ZFYVE9: variants seen among roughly 807,000 people sequenced by gnomAD.
The protein encoded by ZFYVE9 is zinc finger FYVE-type containing 9, also known as zinc finger FYVE domain-containing protein 9.
Under a neutral mutation model 126.7 loss-of-function variants are expected in ZFYVE9, and 43 were observed. That is an observed-to-expected ratio of 0.34 (90% CI 0.27 to 0.44). ZFYVE9 has a LOEUF of 0.44. ZFYVE9 is among the 20% of genes least tolerant of loss of function. The probability of loss-of-function intolerance (pLI) is 1.00; values close to 1 mark genes in which losing one functional copy is unlikely to be tolerated. For synonymous variants in ZFYVE9, 521 were observed against 597.4 expected (o/e 0.87, Z 1.87); for missense variants, 1,476 against 1,697.0 (o/e 0.87, Z 2.29).
intron 1 of ZFYVE9, among the ~76,000 whole-genome samples, chr1:52,199,645 A>G (rs906165138): frequency 7.9e-5 from 12 of 152,228 alleles, no homozygotes; most frequent in African/African-American, 2.4e-5. Flanking sequence ...ATAAACATCT[A>G]TGTGCAGGTT....
chr1:52,334,693 G>A lies in ZFYVE9; in HGVS notation c.3595G>A (p.Gly1199Ser), dbSNP rs1402660922. The A allele has an allele frequency of 6.2e-7, 1 of 1,613,604 alleles. No homozygotes were observed. The highest frequency in any genetic ancestry group is 8.5e-7 in the Non-Finnish European group (1 of 1,179,830). The change falls in exon 15 of 19, where the codon GGT (glycine) becomes AGT (serine). Residue 1199 changes from glycine to serine, a missense_variant. By Grantham distance (56) the Gly-to-Ser change is moderately conservative (BLOSUM62 0). Coordinates refer to ENST00000287727, the MANE Select transcript of ZFYVE9 (RefSeq NM_004799.4). ...SIHNQPRKVT[G>S]ASFFVFSGAL... The stretch of plus-strand genomic sequence containing the variant: ...TATTTCTATTGCTGTTTTAGTGACT[G>A]GTGCCAGTTTCTTTGTGTTCAGTGG...
At chr1:52,167,358 GAT>G (rs1282740188) in intron 1 of ZFYVE9, among the ~76,000 whole-genome samples, 1 of 152,228 alleles carries the variant, frequency 6.6e-6, no homozygotes, top group African/African-American at 2.4e-5. Context: ...TCAAGCACTT[GAT>G]AGTGTTTCAG....
At chr1:52,194,710 T>A (rs542512082) in intron 1 of ZFYVE9, among the ~76,000 whole-genome samples, 3 of 152,266 alleles carry the variant, frequency 2.0e-5, no homozygotes, top group Non-Finnish European at 4.4e-5. Flanking sequence ...ACTACCTTTC[T>A]CTCAAACTTT....
intron 4 of ZFYVE9, among the ~76,000 whole-genome samples, chr1:52,261,870 A>G (rs1418558734): frequency 2.1e-4 from 32 of 152,226 alleles, no homozygotes; most frequent in Non-Finnish European, 1.5e-5. Flanking sequence ...GCGAGGGAGA[A>G]GGAAAAGTCA....
intron 1 of ZFYVE9, among the ~76,000 whole-genome samples, chr1:52,196,081 C>T (rs986674575): frequency 3.3e-5 from 5 of 152,090 alleles, no homozygotes; most frequent in Admixed American, 3.3e-4. Context: ...CGTGAGCCAC[C>T]GTGCCCGGCC....
At chr1:52,334,630 T>G in intron 14 of ZFYVE9, 58 bp from the exon 15 acceptor site, 2 of 1,547,488 alleles carry the variant, frequency 1.3e-6, no homozygotes, top group Non-Finnish European at 1.8e-6. Flanking sequence ...TTTGTTATTA[T>G]TTTCAATCCC....
chr1:52,262,509 A>G (rs1645589210), intron 4 of ZFYVE9, among the ~76,000 whole-genome samples: 1 of 152,228 alleles, frequency 6.6e-6, no homozygotes, highest in African/African-American at 2.4e-5. Context: ...TCACAGGGAT[A>G]TCTCCCTATA....
At chr1:52,267,177 TAGG>T (rs1645641856) in intron 6 of ZFYVE9, among the ~76,000 whole-genome samples, 1 of 152,216 alleles carries the variant, frequency 6.6e-6, no homozygotes. Context: ...ATGTTCTTTG[TAGG>T]AGTTTAGTAA....
intron 13 of ZFYVE9, among the ~76,000 whole-genome samples, chr1:52,311,855 A>G (rs1434255295): frequency 6.6e-6 from 1 of 151,636 alleles, no homozygotes; most frequent in African/African-American, 2.4e-5. Flanking sequence ...CAATAGTACA[A>G]TCTTGGCTCA....
chr1:52,306,736 C>T (rs1646088848), intron 13 of ZFYVE9, among the ~76,000 whole-genome samples: 1 of 152,250 alleles, frequency 6.6e-6, no homozygotes. Flanking sequence ...CCGAATGTCA[C>T]CACATTCCCT....
intron 4 of ZFYVE9, among the ~76,000 whole-genome samples, chr1:52,257,190 A>G (rs1034105796): frequency 4.6e-5 from 7 of 152,202 alleles, no homozygotes; most frequent in Non-Finnish European, 1.5e-5. Context: ...AGGAAAGGAA[A>G]GGGAAATAAG....
intron 1 of ZFYVE9, among the ~76,000 whole-genome samples, chr1:52,213,895 A>G (rs1347048687): frequency 2.0e-5 from 3 of 152,112 alleles, no homozygotes; most frequent in African/African-American, 4.8e-5. Flanking sequence ...AGAGACTCCA[A>G]GGTTCTCTAA....
At position 52,238,468 on chromosome 1, in the gene ZFYVE9, A is replaced by G; in HGVS notation, c.1051A>G (p.Arg351Gly). 1 of 1,614,150 alleles carries G rather than the reference A, an allele frequency of 6.2e-7. No individual in the cohort carries two copies. The highest frequency in any genetic ancestry group is 1.3e-5 in the African/African-American group (1 of 75,066). The change falls in exon 4 of 19, where the codon AGG becomes GGG. Residue 351 changes from arginine (R) to glycine (G), a missense_variant. Arg to Gly is a moderately radical substitution (Grantham distance 125). Around this residue, in one of 2 missense-constraint regions of ZFYVE9, gnomAD observed 807 missense variants for 794.6 expected, o/e 1.02. Coordinates refer to ENST00000287727, the MANE Select transcript of ZFYVE9 (RefSeq NM_004799.4). ...ACCAGACATGCCTAATGGGTCTGGAAGGAATAATGACTGTGAACGGTGTTC... is the reference window on the plus strand; with the variant it reads ...ACCAGACATGCCTAATGGGTCTGGAGGGAATAATGACTGTGAACGGTGTTC... ...LKPDMPNGSG[R>G]NNDCERCSDC...
intron 13 of ZFYVE9, among the ~76,000 whole-genome samples, chr1:52,325,581 C>G (rs1646282891): frequency 6.6e-6 from 1 of 152,146 alleles, no homozygotes; most frequent in East Asian, 1.9e-4. Context: ...ACACTAATTA[C>G]AAGTGAATCA....
intron 13 of ZFYVE9, among the ~76,000 whole-genome samples, chr1:52,305,749 C>G (rs1185809384): frequency 6.6e-6 from 1 of 152,114 alleles, no homozygotes; most frequent in African/African-American, 2.4e-5. Flanking sequence ...GTTGTGGCTA[C>G]GGACCCAGGC....
In ZFYVE9 at chr1:52,239,112, A is replaced by G. The variant is rs780383286; in HGVS notation, c.1695A>G (p.Val565=). The part of the protein sequence containing the change: ...PSVLGQSSPK[V]VASLPSISVP... ...TGCTTGGGCAATCTTCCCCCAAGGTAGTAGCAAGCCTGCCATCTATCAGTG... is the reference window on the plus strand; with the variant it reads ...TGCTTGGGCAATCTTCCCCCAAGGTGGTAGCAAGCCTGCCATCTATCAGTG... The change falls in exon 4 of 19, where the codon GTA becomes GTG. Residue 565 remains valine (V), a synonymous_variant. Transcript: ENST00000287727. 14 of 1,614,032 alleles carry G rather than the reference A, an allele frequency of 8.7e-6. No individual in the cohort carries two copies. The highest frequency in any genetic ancestry group is 3.3e-4 in the Middle Eastern group (2 of 6,084).
At chr1:52,155,011 A>G (rs1364071514) in intron 1 of ZFYVE9, among the ~76,000 whole-genome samples, 1 of 152,174 alleles carries the variant, frequency 6.6e-6, no homozygotes, top group Non-Finnish European at 1.5e-5. Context: ...CTGCCTGCTT[A>G]TAGCAGTCTT....
Position 52,230,606 on chromosome 1 carries a change from G to C in ZFYVE9, c.-36-2565G>C, listed in dbSNP as rs987313855. ...AATTTGGTTTTTCAGCCCTCATGCT[G>C]TTTTAAACTTGAAGGTGGGGTTTTG... On this transcript the variant is annotated intron_variant, in intron 2 of 18. Coordinates refer to ENST00000287727, the MANE Select transcript of ZFYVE9 (RefSeq NM_004799.4). Among the ~76,000 whole-genome samples the C allele has an allele frequency of 3.3e-5, 5 of 151,792 alleles. No individual in the cohort carries two copies. In the East Asian group the frequency reaches 9.7e-4, roughly 29 times the overall value.
Position 52,239,106 on chromosome 1 carries a change from C to G in ZFYVE9, c.1689C>G (p.Pro563=). The change falls in exon 4 of 19, where the codon CCC becomes CCG. Residue 563 remains proline, a synonymous_variant. Coordinates refer to ENST00000287727, the MANE Select transcript of ZFYVE9 (RefSeq NM_004799.4). ...QVPSVLGQSS[P]KVVASLPSIS... Reference sequence around the variant, plus strand: ...CATCAGTGCTTGGGCAATCTTCCCCCAAGGTAGTAGCAAGCCTGCCATCTA... The same window carrying G: ...CATCAGTGCTTGGGCAATCTTCCCCGAAGGTAGTAGCAAGCCTGCCATCTA... 1.2e-6 allele frequency: 2 copies of G among 1,614,072 alleles called. No individual in the cohort carries two copies. Among genetic ancestry groups the G allele is most frequent in the South Asian group, 1.1e-5 (1 of 91,084 alleles).
Sources: allele counts gnomAD v4.1 joint callset (sites outside exome capture counted in the v4.1 genomes callset), GRCh38; gene constraint gnomAD v4.1.1; regional missense constraint gnomAD v4.1.1; transcripts MANE v1.5; gene names NCBI Gene and HGNC (gene_info 2026-07-23, HGNC 2026-07-21).